Variants in UNC5C observed in about 807,000 individuals in gnomAD.
UNC5C encodes netrin receptor UNC5C.
UNC5C carries 47 observed loss-of-function variants against 99.8 expected under a neutral mutation model. That is an observed-to-expected ratio of 0.47 (90% CI 0.37 to 0.60). The LOEUF (loss-of-function observed/expected upper bound fraction) is 0.60, where lower values mean the gene tolerates loss of function less well. Ranked by LOEUF, UNC5C falls within the 20% of genes least tolerant of loss-of-function variation. The pLI, the probability that UNC5C is intolerant of heterozygous loss-of-function variation, is 0.00. For missense variants in UNC5C, 1,062 were observed against 1,165.9 expected (o/e 0.91, Z 1.30); for synonymous variants, 487 against 452.2 (o/e 1.08, Z -0.98).
At chr4:95,306,873 G>T (rs950667583) in intron 2 of UNC5C, among the ~76,000 whole-genome samples, 1 of 152,064 alleles carries the variant, frequency 6.6e-6, no homozygotes, top group Non-Finnish European at 1.5e-5. Context: ...GCTGCAGGTT[G>T]GGATGTTCTG....
At chr4:95,273,138 T>C (rs1287122473) in intron 4 of UNC5C, among the ~76,000 whole-genome samples, 15 of 152,236 alleles carry the variant, frequency 9.9e-5, no homozygotes, top group African/African-American at 3.6e-4. Flanking sequence ...TACTTGCTAA[T>C]TAGAGATGCA....
chr4:95,454,838 T>G (rs567648575), intron 1 of UNC5C, among the ~76,000 whole-genome samples: 1 of 152,278 alleles, frequency 6.6e-6, no homozygotes, highest in Non-Finnish European at 1.5e-5. Context: ...ACTCATTTTC[T>G]AATGATTTGA....
chr4:95,292,333 G>A (rs1050604673), intron 3 of UNC5C, among the ~76,000 whole-genome samples: 6 of 149,574 alleles, frequency 4.0e-5, no homozygotes, highest in South Asian at 2.1e-4. Flanking sequence ...GCAGTAGTGC[G>A]ATCTCAGCTC....
rs75556525 is a variant in UNC5C, at chr4:95,167,958, C to T, written c.*1276G>A. 1.8e-4 allele frequency: 27 copies of T among 152,196 alleles called. No individual in the cohort carries two copies. The highest frequency in any genetic ancestry group is 6.5e-4 in the African/African-American group (27 of 41,536). 9.4% of individuals were successfully genotyped at this position (152,196 alleles called of 1,614,324 possible). ...CACTTTCTAGTGAGGACACTGAGGTCGTGTGGTTAAATGACTTTCTCAAGG... is the reference window on the plus strand; with the variant it reads ...CACTTTCTAGTGAGGACACTGAGGTTGTGTGGTTAAATGACTTTCTCAAGG... On this transcript the variant is annotated 3_prime_UTR_variant, in exon 16 of 16. Transcript: ENST00000453304.
At chr4:95,460,222 G>A (rs1386740452) in intron 1 of UNC5C, among the ~76,000 whole-genome samples, 16 of 114,960 alleles carry the variant, frequency 1.4e-4, no homozygotes, top group Admixed American at 3.7e-4. Context: ...GGTGTTTTTC[G>A]TATTTCTTTA....
At chr4:95,497,792 A>C (rs2149483425) in intron 1 of UNC5C, among the ~76,000 whole-genome samples, 1 of 152,162 alleles carries the variant, frequency 6.6e-6, no homozygotes, top group South Asian at 2.1e-4. Flanking sequence ...AAGCATAATA[A>C]GAAAACCATT....
intron 1 of UNC5C, among the ~76,000 whole-genome samples, chr4:95,461,312 A>G (rs1747593716): frequency 7.0e-6 from 1 of 143,502 alleles, no homozygotes; most frequent in South Asian, 2.3e-4. Flanking sequence ...ATGAAGCACA[A>G]GGCAAGAGCA....
intron 1 of UNC5C, among the ~76,000 whole-genome samples, chr4:95,490,873 C>T (rs761421358): frequency 3.3e-5 from 5 of 151,620 alleles, no homozygotes; most frequent in Admixed American, 1.3e-4. Flanking sequence ...AGGCAGGTCT[C>T]GTTTCATTGT....
chr4:95,269,198 GGTGGGAT>G (rs1456633754), intron 4 of UNC5C, among the ~76,000 whole-genome samples: 1 of 152,152 alleles, frequency 6.6e-6, no homozygotes, highest in African/African-American at 2.4e-5. Context: ...AGAATCTCTG[GGTGGGAT>G]ATAAGCATTG....
chr4:95,312,341 A>C (rs1201961856), intron 2 of UNC5C, among the ~76,000 whole-genome samples: 1 of 152,212 alleles, frequency 6.6e-6, no homozygotes. Context: ...AGTAACTGGC[A>C]CATAATATTT....
intron 1 of UNC5C, among the ~76,000 whole-genome samples, chr4:95,526,561 TAGTA>T (rs1299771736): frequency 6.6e-6 from 1 of 152,074 alleles, no homozygotes; most frequent in East Asian, 1.9e-4. Context: ...ATTACCAAAT[TAGTA>T]AGTAATACAA....
chr4:95,249,456 G>A lies in UNC5C; in HGVS notation c.775+1031C>T, dbSNP rs547280829. Among the ~76,000 whole-genome samples, 5 of 152,282 alleles carry A rather than the reference G, an allele frequency of 3.3e-5. No individual in the cohort carries two copies. In the South Asian group the frequency reaches 6.2e-4, roughly 19 times the overall value. On this transcript the variant is annotated intron_variant, in intron 5 of 15. Coordinates refer to ENST00000453304, the MANE Select transcript of UNC5C (RefSeq NM_003728.4). ...TAGCATAACCTCTAAATACTTCCCA[G>A]GTTGTTCAATTTCCTCTGAGACAGT... is the stretch of plus-strand genomic sequence containing the variant.
Position 95,347,266 on chromosome 4 carries a change from C to CA in UNC5C, c.125-11636dup, listed in dbSNP as rs374924380. Among the ~76,000 whole-genome samples, 55 of 152,008 alleles carry CA rather than the reference C, an allele frequency of 3.6e-4. No homozygotes were observed. The Middle Eastern group carries it at 0.01, about 28-fold the overall frequency. ...TTGACAGAAGAAATTGAAGAGGACA[C>CA]ACAAAAATGGAAAGATATTCCATGT... On this transcript the variant is annotated intron_variant, in intron 1 of 15. Coordinates refer to ENST00000453304, the MANE Select transcript of UNC5C (RefSeq NM_003728.4).
At chr4:95,357,483 TTAAAAAAC>T (rs1286222412) in intron 1 of UNC5C, among the ~76,000 whole-genome samples, 1 of 151,810 alleles carries the variant, frequency 6.6e-6, no homozygotes, top group Non-Finnish European at 1.5e-5. Context: ...AAAGCTATTA[TTAAAAAAC>T]TAAAATACTG....
chr4:95,224,063 G>A (rs1579245207), intron 7 of UNC5C, among the ~76,000 whole-genome samples: 3 of 152,038 alleles, frequency 2.0e-5, no homozygotes, highest in Non-Finnish European at 4.4e-5. Context: ...CAGGTGGATC[G>A]CCTGAGCTCA....
At chr4:95,243,049 C>G (rs1739383036) in intron 6 of UNC5C, among the ~76,000 whole-genome samples, 1 of 152,166 alleles carries the variant, frequency 6.6e-6, no homozygotes, top group South Asian at 2.1e-4. Flanking sequence ...AGAAATCTAT[C>G]CAACCTTCCA....
At chr4:95,445,382 A>C (rs1412130041) in intron 1 of UNC5C, among the ~76,000 whole-genome samples, 1 of 151,814 alleles carries the variant, frequency 6.6e-6, no homozygotes, top group Non-Finnish European at 1.5e-5. Context: ...GAGGGAATGC[A>C]GCTGAATGCA....
At chr4:95,305,502 C>T (rs1449557179) in intron 2 of UNC5C, among the ~76,000 whole-genome samples, 1 of 152,078 alleles carries the variant, frequency 6.6e-6, no homozygotes, top group African/African-American at 2.4e-5. Context: ...AGGTGGGTTG[C>T]TTTGAAGAGC....
intron 14 of UNC5C, among the ~76,000 whole-genome samples, chr4:95,180,183 T>A (rs1272561913): frequency 6.6e-6 from 1 of 152,208 alleles, no homozygotes; most frequent in Admixed American, 6.5e-5. Context: ...TGGCCCAAGA[T>A]AATATTCTAT....
Sources: allele counts gnomAD v4.1 joint callset (sites outside exome capture counted in the v4.1 genomes callset), GRCh38; gene constraint gnomAD v4.1.1; transcripts MANE v1.5; gene names NCBI Gene and HGNC (gene_info 2026-07-23, HGNC 2026-07-21).